Variants in ZP3 observed in about 807,000 individuals in gnomAD.
ZP3 encodes the protein zona pellucida glycoprotein 3, also known as zona pellucida sperm-binding protein 3.
ZP3 carries 21 observed loss-of-function variants against 35.6 expected under a neutral mutation model. That is an observed-to-expected ratio of 0.59 (90% CI 0.42 to 0.85). The LOEUF (loss-of-function observed/expected upper bound fraction) is 0.85. Among genes scored for constraint, ZP3 ranks in the 40% least tolerant of loss-of-function variants. The pLI, the probability that ZP3 is intolerant of heterozygous loss-of-function variation, is 0.00. For synonymous variants in ZP3, 207 were observed against 214.5 expected (o/e 0.96, Z 0.31); for missense variants, 437 against 536.5 (o/e 0.81, Z 1.83).
intron 2 of ZP3, 45 bp from the exon 3 acceptor site, chr7:76,432,882 G>T: frequency 1.3e-6 from 2 of 1,543,112 alleles, no homozygotes; most frequent in Non-Finnish European, 1.8e-6. Context: ...GGCCCAGGTG[G>T]GTGTGACCTG....
intron 1 of ZP3, among the ~76,000 whole-genome samples, chr7:76,413,314 C>G (rs1263667472): frequency 6.6e-6 from 1 of 151,602 alleles, no homozygotes; most frequent in Non-Finnish European, 1.5e-5. Flanking sequence ...GAGTGAAATG[C>G]TGTGATCACA....
intron 1 of ZP3, chr7:76,409,556 C>G (rs1048855615): frequency 2.0e-5 from 3 of 152,330 alleles, no homozygotes; most frequent in Admixed American, 2.0e-4. Flanking sequence ...TTTCTTTCCA[C>G]AGCTGGAAGG....
At chr7:76,407,119 C>T (rs984366103) in intron 1 of ZP3, among the ~76,000 whole-genome samples, 1 of 152,074 alleles carries the variant, frequency 6.6e-6, no homozygotes, top group South Asian at 2.1e-4. Context: ...TGCCACCATA[C>T]TCGGCTAATT....
intron 6 of ZP3, 42 bp from the exon 7 acceptor site, chr7:76,440,433 C>A: frequency 1.2e-6 from 2 of 1,608,504 alleles, no homozygotes; most frequent in Admixed American, 1.7e-5. Flanking sequence ...AAACTGCTTC[C>A]TGCAGGCAAC....
upstream of ZP3, among the ~76,000 whole-genome samples, chr7:76,421,498 C>G (rs1267518560): frequency 6.6e-6 from 1 of 152,074 alleles, no homozygotes; most frequent in East Asian, 1.9e-4. Context: ...AAGCAATCCT[C>G]CCACCTTAGC....
At chr7:76,439,519 CA>C (rs1341032683) in intron 5 of ZP3, among the ~76,000 whole-genome samples, 1 of 150,336 alleles carries the variant, frequency 6.7e-6, no homozygotes, top group Non-Finnish European at 1.5e-5. Flanking sequence ...CCAGCTTGGG[CA>C]ACATGGCAAA....
intron 7 of ZP3, among the ~76,000 whole-genome samples, chr7:76,440,859 A>G (rs1806177384): frequency 1.3e-5 from 2 of 152,108 alleles, no homozygotes. Context: ...TTAGGCATGT[A>G]GGGGAAATAT....
At chr7:76,423,025 G>GAGAAAGAAAGAAAGAAAGAAAGAA (rs200948956), upstream of ZP3, among the ~76,000 whole-genome samples, 10 of 75,834 alleles carry the variant, frequency 1.3e-4, no homozygotes, top group South Asian at 5.2e-4. Flanking sequence ...GAGAGAGAGA[G>GAGAAAGAAAGAAAGAAAGAAAGAA]AGAAAGAAAG....
chr7:76,439,225 TCC>T lies in ZP3; in HGVS notation c.832-1023_832-1022del, dbSNP rs1169247286. On this transcript the variant is annotated intron_variant, in intron 5 of 7. Transcript: ENST00000394857. Reference sequence around the variant, plus strand: ...TCTTTATGTGCCCAAGGACCTCAGGTCCCAGAAACAACTTGGTCTTGCCTTAG... The same window carrying T: ...TCTTTATGTGCCCAAGGACCTCAGGTCAGAAACAACTTGGTCTTGCCTTAG... 7.4e-5 allele frequency among the ~76,000 whole-genome samples: 11 copies of T among 148,878 alleles called. No homozygotes were observed. The East Asian group carries it at 2.0e-3, about 27-fold the overall frequency.
At chr7:76,426,874 C>CCACACACACACACACACA (rs369991319) in intron 1 of ZP3, among the ~76,000 whole-genome samples, 6 of 126,692 alleles carry the variant, frequency 4.7e-5, no homozygotes, top group African/African-American at 1.9e-4. Context: ...CTACCAAACA[C>CCACACACACACACACACA]CACACACACA....
At chr7:76,432,023 TG>T (rs1277847858) in intron 2 of ZP3, among the ~76,000 whole-genome samples, 6 of 144,438 alleles carry the variant, frequency 4.2e-5, no homozygotes, top group East Asian at 2.1e-4. Context: ...TGGTGGCTTT[TG>T]GTTTTTTGTT....
Position 76,417,614 on chromosome 7 carries a change from C to CTT in ZP3, c.-66-7426_-66-7425dup, listed in dbSNP as rs199614229. Among the ~76,000 whole-genome samples, 1,186 of 143,242 alleles carry CTT rather than the reference C, an allele frequency of 8.3e-3. 24 individuals carry two copies. The highest frequency in any genetic ancestry group is 0.028 in the African/African-American group (1,095 of 39,122). 94.0% of individuals were successfully genotyped at this position (143,242 alleles called of 152,430 possible). The stretch of plus-strand genomic sequence containing the variant: ...GAAAAGTACTATTTATTCTTTTATT[C>CTT]TTTTTTTTTTTTTCGAGACAAGATC... On this transcript the variant is annotated intron_variant, in intron 1 of 8. Coordinates refer to the ZP3 transcript ENST00000336517.
At chr7:76,436,332 C>T (rs1311932848) in intron 5 of ZP3, among the ~76,000 whole-genome samples, 1 of 152,036 alleles carries the variant, frequency 6.6e-6, no homozygotes, top group Non-Finnish European at 1.5e-5. Flanking sequence ...CAGGCGTGAG[C>T]CACTGTACCC....
chr7:76,436,903 G>C (rs1806033179), intron 5 of ZP3, among the ~76,000 whole-genome samples: 1 of 152,232 alleles, frequency 6.6e-6, no homozygotes, highest in South Asian at 2.1e-4. Flanking sequence ...ACTAAGACCA[G>C]AGAACAGTGC....
intron 1 of ZP3, among the ~76,000 whole-genome samples, chr7:76,404,069 G>C (rs1317373829): frequency 6.6e-6 from 1 of 152,000 alleles, no homozygotes; most frequent in African/African-American, 2.4e-5. Flanking sequence ...CCTTCCCTGT[G>C]CCCAGTGTCC....
Position 76,433,018 on chromosome 7 carries a change from C to T in ZP3, c.523C>T (p.Arg175Cys), listed in dbSNP as rs372042157. ...AGAGGAGAAGCTGACTTTCTCTCTG[C>T]GTCTGATGGAGGGTAAGAGAAGAAG... ...FSEEKLTFSL[R>C]LMEENWNAEK... Residue 175 changes from arginine to cysteine, a missense_variant, in exon 3 of 8, where the codon CGT (arginine) becomes TGT (cysteine). Arg to Cys is a radical substitution (Grantham distance 180). Around this residue, in one of 6 missense-constraint regions of ZP3, gnomAD observed 352 missense variants for 308.4 expected, o/e 1.14. Coordinates refer to ENST00000394857, the MANE Select transcript of ZP3 (RefSeq NM_001110354.2). The T allele has an allele frequency of 1.2e-5, 19 of 1,613,530 alleles. No individual in the cohort carries two copies. The highest frequency in any genetic ancestry group is 5.3e-5 in the African/African-American group (4 of 74,892).
At chr7:76,400,137 G>C in intron 1 of ZP3, 2 of 883,980 alleles carry the variant, frequency 2.3e-6, no homozygotes, top group Non-Finnish European at 3.1e-6. Flanking sequence ...ACCCAGGCTG[G>C]GGTTCTTCCC....
At chr7:76,419,700 C>T in intron 1 of ZP3, among the ~76,000 whole-genome samples, 1 of 22,656 alleles carries the variant, frequency 4.4e-5, no homozygotes, top group Non-Finnish European at 8.4e-5. Context: ...TCTCTCTCTC[C>T]CTTCCTTCCT....
chr7:76,414,466 C>T (rs1348727712), intron 1 of ZP3, among the ~76,000 whole-genome samples: 1 of 151,964 alleles, frequency 6.6e-6, no homozygotes, highest in African/African-American at 2.4e-5. Context: ...TTGGGAGCAG[C>T]CTGGCATGAC....
Sources: gnomAD v4.1 joint callset for allele counts (sites outside exome capture counted in the v4.1 genomes callset) on GRCh38, gnomAD v4.1.1 for gene constraint, gnomAD v4.1.1 regional missense constraint, MANE v1.5 for transcripts, NCBI Gene and HGNC (gene_info 2026-07-23, HGNC 2026-07-21) for gene names.